The following DEAF1 variants were observed in gnomAD, a reference collection of about 807,000 sequenced individuals.
The protein encoded by DEAF1 is DEAF1 transcription factor.
Under a neutral mutation model 58.9 loss-of-function variants are expected in DEAF1, and 53 were observed. That is an observed-to-expected ratio of 0.90 (90% CI 0.72 to 1.13). DEAF1 has a LOEUF of 1.13. Ranked by LOEUF, DEAF1 falls within the 50% of genes most tolerant of loss-of-function variation. The probability of loss-of-function intolerance (pLI) is 0.00; values close to 1 mark genes in which losing one functional copy is unlikely to be tolerated. For synonymous variants in DEAF1, 385 were observed against 340.4 expected (o/e 1.13, Z -1.44); for missense variants, 685 against 791.4 (o/e 0.87, Z 1.61).
At chr11:672,919 C>T (rs7103377) in intron 10 of DEAF1, among the ~76,000 whole-genome samples, 73,533 of 151,340 alleles carry the variant, frequency 0.49, 19,130 homozygotes, top group East Asian at 0.73. Flanking sequence ...GACGCTCAGG[C>T]GGGTAGATCA....
At chr11:700,087 C>T (rs1861374318), upstream of DEAF1, 2 of 1,503,226 alleles carry the variant, frequency 1.3e-6, no homozygotes, top group East Asian at 4.5e-5. Flanking sequence ...TGTTCAGCCA[C>T]CTGGGAGGCT....
At position 688,683 on chromosome 11, in the gene DEAF1, A is replaced by G. The variant is rs774921346; in HGVS notation, c.388-223T>C. 1.3e-5 allele frequency among the ~76,000 whole-genome samples: 2 copies of G among 152,182 alleles called. No individual in the cohort carries two copies. Among genetic ancestry groups the G allele is most frequent in the Non-Finnish European group, 2.9e-5 (2 of 68,020 alleles). On this transcript the variant is annotated intron_variant, in intron 2 of 11. Transcript: ENST00000382409. This position sits in a 1 kb window ranked among gnomAD's most constrained non-coding sequence, Gnocchi z 4.3. ...CCGAAGTCTGTGTGGTGCTGAGGAA[A>G]ATGCTTGCCATCATTTGTCAAAGGG...
chr11:692,720 C>T (rs1188180952), intron 1 of DEAF1, among the ~76,000 whole-genome samples: 2 of 152,260 alleles, frequency 1.3e-5, no homozygotes, highest in Non-Finnish European at 2.9e-5. Flanking sequence ...GGCGTGGTGG[C>T]ACATGCCTGT....
chr11:700,180 CG>C (rs1564961676), upstream of DEAF1: 1 of 1,614,130 alleles, frequency 6.2e-7, no homozygotes, highest in South Asian at 1.1e-5. Context: ...TTTATCTCAG[CG>C]GAACGTACTA....
chr11:655,697 C>T lies in DEAF1; in HGVS notation c.1504-1646G>A, dbSNP rs1333600325. ...GATGCTTGCCTCCCTCCTTCGCAAA[C>T]GTGATCTTTAACATTTTTCCAGTTG... On this transcript the variant is annotated intron_variant, in intron 10 of 11. Transcript: ENST00000382409. Among the ~76,000 whole-genome samples the T allele has an allele frequency of 3.3e-5, 5 of 152,210 alleles. No homozygotes were observed. In the East Asian group the frequency reaches 5.8e-4, roughly 18 times the overall value.
intron 11 of DEAF1, among the ~76,000 whole-genome samples, chr11:652,871 G>T (rs1334412474): frequency 6.6e-6 from 1 of 151,998 alleles, no homozygotes; most frequent in Non-Finnish European, 1.5e-5. Flanking sequence ...ATCACCTGAG[G>T]TCAGGAGTTC....
In DEAF1 at chr11:691,485, C is replaced by T; in HGVS notation, c.387+16G>A. ...GGCACCACCCGCCCTGGGCTGTGCC[C>T]CTCGGAGCAGCTTACCAGAACATGT... On this transcript the variant is annotated intron_variant, in intron 2 of 11. Transcript: ENST00000382409. 1 of 1,610,134 alleles carries T rather than the reference C, an allele frequency of 6.2e-7. No homozygotes were observed. The highest frequency in any genetic ancestry group is 8.5e-7 in the Non-Finnish European group (1 of 1,179,622).
intron 10 of DEAF1, 76 bp downstream of exon 10, chr11:674,460 G>A (rs953066535): frequency 4.4e-5 from 70 of 1,606,450 alleles, no homozygotes; most frequent in Admixed American, 1.7e-5. Flanking sequence ...TGGGGCTTGC[G>A]CAGCTGGGCA....
intron 10 of DEAF1, among the ~76,000 whole-genome samples, chr11:672,431 C>T (rs956434339): frequency 1.3e-5 from 2 of 151,426 alleles, no homozygotes; most frequent in African/African-American, 2.4e-5. Context: ...TAGTAGAATC[C>T]GTAACAAACC....
chr11:650,898 C>T (rs1858735333), intron 11 of DEAF1, among the ~76,000 whole-genome samples: 1 of 152,096 alleles, frequency 6.6e-6, no homozygotes, highest in Non-Finnish European at 1.5e-5. Context: ...GAGACTCTGT[C>T]TCAAAAGTAA....
At chr11:682,880 C>T (rs1165774018) in intron 6 of DEAF1, among the ~76,000 whole-genome samples, 1 of 152,030 alleles carries the variant, frequency 6.6e-6, no homozygotes, top group East Asian at 1.9e-4. Flanking sequence ...GTGGCCTGCC[C>T]CTCCCAGTGA....
chr11:673,421 G>A (rs1859919088), intron 10 of DEAF1, among the ~76,000 whole-genome samples: 2 of 152,036 alleles, frequency 1.3e-5, no homozygotes, highest in Non-Finnish European at 2.9e-5. Flanking sequence ...CCAGCTACTT[G>A]GGAGGCTGAG....
chr11:685,625 G>A (rs938124420), intron 5 of DEAF1, among the ~76,000 whole-genome samples: 1 of 152,122 alleles, frequency 6.6e-6, no homozygotes, highest in Admixed American at 6.5e-5. Flanking sequence ...AACCCGGGAG[G>A]CAGAGGTTAC....
chr11:703,424 C>T (rs1861590805), intron 1 of DEAF1: 2 of 1,307,648 alleles, frequency 1.5e-6, no homozygotes, highest in Non-Finnish European at 9.7e-7. Flanking sequence ...ACACTCAGCC[C>T]TGTCAGTGGG....
chr11:686,545 C>T (rs1037398305), intron 5 of DEAF1, among the ~76,000 whole-genome samples: 4 of 152,196 alleles, frequency 2.6e-5, no homozygotes, highest in African/African-American at 9.7e-5. Flanking sequence ...ATTATCTTAA[C>T]TTCTACTGTT....
At chr11:663,461 T>C (rs905843802) in intron 10 of DEAF1, among the ~76,000 whole-genome samples, 1 of 152,188 alleles carries the variant, frequency 6.6e-6, no homozygotes, top group East Asian at 1.9e-4. Context: ...AACAAAAGAC[T>C]GCCTCTGGAG....
upstream of DEAF1, chr11:695,491 G>A (rs901089331): frequency 4.4e-5 from 36 of 815,742 alleles, no homozygotes; most frequent in Non-Finnish European, 4.9e-5. Flanking sequence ...CCGGCGGCCG[G>A]CGCAATTCTG....
intron 1 of DEAF1, chr11:705,043 C>G (rs1184226685): frequency 4.2e-6 from 1 of 235,928 alleles, no homozygotes; most frequent in African/African-American, 2.3e-5. Context: ...CCAGGTCTTG[C>G]CTGGGCTCAG....
chr11:661,855 T>C (rs969529342), intron 10 of DEAF1, among the ~76,000 whole-genome samples: 1 of 152,194 alleles, frequency 6.6e-6, no homozygotes, highest in Non-Finnish European at 1.5e-5. Flanking sequence ...GAGACAGCAG[T>C]GTCTGCCTCT....
Sources: gnomAD v4.1 joint callset for allele counts (sites outside exome capture counted in the v4.1 genomes callset) on GRCh38, gnomAD v4.1.1 for gene constraint, Gnocchi (gnomAD v3.1) non-coding constraint, MANE v1.5 for transcripts, NCBI Gene and HGNC (gene_info 2026-07-23, HGNC 2026-07-21) for gene names.